Variants in CNTNAP2 observed in about 807,000 individuals in gnomAD.
CNTNAP2 encodes the protein contactin-associated protein-like 2.
A neutral mutation model predicts 155.2 loss-of-function variants in CNTNAP2; 98 were observed. The ratio of observed to expected loss-of-function variants is 0.63; its 90% CI spans 0.54 to 0.75. The LOEUF (loss-of-function observed/expected upper bound fraction) is 0.75. Ranked by LOEUF, CNTNAP2 falls within the 30% of genes least tolerant of loss-of-function variation. The probability of loss-of-function intolerance (pLI) is 0.00; values close to 1 mark genes in which losing one functional copy is unlikely to be tolerated. For missense variants in CNTNAP2, 1,727 were observed against 1,688.1 expected, an observed-to-expected ratio of 1.02 and a Z score of -0.40; for synonymous variants, 651 against 631.2, an observed-to-expected ratio of 1.03 and a Z score of -0.47.
At chr7:146,903,135 T>A (rs1273885954) in intron 3 of CNTNAP2, among the ~76,000 whole-genome samples, 1 of 152,208 alleles carries the variant, frequency 6.6e-6, no homozygotes, top group African/African-American at 2.4e-5. Context: ...AACAGGGTAT[T>A]GTTCAGTTCA....
At chr7:146,682,528 A>G (rs1800522750) in intron 1 of CNTNAP2, among the ~76,000 whole-genome samples, 1 of 152,132 alleles carries the variant, frequency 6.6e-6, no homozygotes, top group African/African-American at 2.4e-5. Context: ...GAGGCAAGTT[A>G]CCTTCATTTC....
chr7:147,336,481 T>A (rs1404534637), intron 9 of CNTNAP2, among the ~76,000 whole-genome samples: 1 of 151,984 alleles, frequency 6.6e-6, no homozygotes, highest in Non-Finnish European at 1.5e-5. Flanking sequence ...ACACTTGGGG[T>A]TTGGTTTAAT....
At chr7:147,776,326 A>G (rs1037231687) in intron 13 of CNTNAP2, among the ~76,000 whole-genome samples, 1 of 149,206 alleles carries the variant, frequency 6.7e-6, no homozygotes, top group Non-Finnish European at 1.5e-5. Context: ...AAGGCCCTGG[A>G]TGACTAAAAT....
chr7:148,379,519 CAT>C (rs1206023608), intron 21 of CNTNAP2, among the ~76,000 whole-genome samples: 1 of 150,708 alleles, frequency 6.6e-6, no homozygotes, highest in African/African-American at 2.4e-5. Flanking sequence ...ACCTGGGTAA[CAT>C]AACAAAACCC....
intron 9 of CNTNAP2, among the ~76,000 whole-genome samples, chr7:147,331,845 C>A (rs1457114623): frequency 2.0e-5 from 3 of 152,168 alleles, no homozygotes; most frequent in Admixed American, 6.6e-5. Flanking sequence ...ATGATCAGTT[C>A]TCAAGACTTT....
intron 15 of CNTNAP2, among the ~76,000 whole-genome samples, chr7:148,026,626 A>AT (rs1210238221): frequency 2.6e-5 from 4 of 152,146 alleles, no homozygotes; most frequent in African/African-American, 9.7e-5. Flanking sequence ...TGAAAAAATT[A>AT]TTTACATTCT....
At chr7:146,995,895 T>A (rs1798299548) in intron 3 of CNTNAP2, among the ~76,000 whole-genome samples, 1 of 152,142 alleles carries the variant, frequency 6.6e-6, no homozygotes, top group Non-Finnish European at 1.5e-5. Context: ...CTTGTCTATT[T>A]TTTTGCATTT....
chr7:146,508,198 G>C (rs1797413444), intron 1 of CNTNAP2, among the ~76,000 whole-genome samples: 2 of 152,150 alleles, frequency 1.3e-5, no homozygotes, highest in African/African-American at 2.4e-5. Context: ...ATGGCCACCT[G>C]GAAAGTGGTA....
At chr7:148,075,619 G>A (rs567339957) in intron 15 of CNTNAP2, among the ~76,000 whole-genome samples, 21 of 152,224 alleles carry the variant, frequency 1.4e-4, no homozygotes, top group Non-Finnish European at 2.4e-4. Context: ...TGGAGCCTCA[G>A]CAACAACAAC....
intron 1 of CNTNAP2, among the ~76,000 whole-genome samples, chr7:146,544,872 G>A (rs1278674130): frequency 6.6e-6 from 1 of 151,886 alleles, no homozygotes; most frequent in Admixed American, 6.6e-5. Context: ...ATCATCACAG[G>A]GTACTCTTGT....
At chr7:147,504,286 G>A (rs1798867819) in intron 11 of CNTNAP2, among the ~76,000 whole-genome samples, 1 of 152,158 alleles carries the variant, frequency 6.6e-6, no homozygotes, top group African/African-American at 2.4e-5. Flanking sequence ...TGAGAAAAGA[G>A]GGGGCCCTCA....
chr7:146,196,650 C>T (rs1290504576), intron 1 of CNTNAP2, among the ~76,000 whole-genome samples: 1 of 151,800 alleles, frequency 6.6e-6, no homozygotes, highest in African/African-American at 2.4e-5. Context: ...ATAGCTGCTT[C>T]TAGAGAAACC....
At chr7:147,179,025 C>G (rs1372051921) in intron 8 of CNTNAP2, among the ~76,000 whole-genome samples, 4 of 152,026 alleles carry the variant, frequency 2.6e-5, no homozygotes, top group African/African-American at 9.7e-5. Context: ...GCACTCATCC[C>G]AACTGCAGTG....
In CNTNAP2 at chr7:146,419,672, C is replaced by A. The variant is rs555819673; in HGVS notation, c.97+302699C>A. On this transcript the variant is annotated intron_variant, in intron 1 of 23. Transcript: ENST00000361727. ...GGCAAAGATATGAAAAGGTGCTTAA[C>A]AACATTCTTCATCAGAAAAATGCAA... 3.3e-5 allele frequency among the ~76,000 whole-genome samples: 5 copies of A among 152,182 alleles called. No homozygotes were observed. In the East Asian group the frequency reaches 7.7e-4, roughly 23 times the overall value.
intron 1 of CNTNAP2, among the ~76,000 whole-genome samples, chr7:146,699,189 G>A (rs1409919679): frequency 6.6e-6 from 1 of 152,040 alleles, no homozygotes; most frequent in African/African-American, 2.4e-5. Flanking sequence ...AAAATATGAT[G>A]CATGAGGGAA....
Position 146,752,411 on chromosome 7 carries a change from G to A in CNTNAP2, c.98-21860G>A, listed in dbSNP as rs189235581. Reference sequence around the variant, plus strand: ...GCTTTTTTTCCTATGTTTCTTGGCCGCATAAATGTCTTATTTTGAGAAGTC... The same window carrying A: ...GCTTTTTTTCCTATGTTTCTTGGCCACATAAATGTCTTATTTTGAGAAGTC... On this transcript the variant is annotated intron_variant, in intron 1 of 23. Coordinates refer to ENST00000361727, the MANE Select transcript of CNTNAP2 (RefSeq NM_014141.6). Among the ~76,000 whole-genome samples the A allele has an allele frequency of 3.3e-3, 502 of 152,136 alleles. 2 individuals are homozygous for A. Among genetic ancestry groups the A allele is most frequent in the African/African-American group, 0.011 (447 of 41,484 alleles).
At chr7:146,135,944 T>G (rs529376527) in intron 1 of CNTNAP2, among the ~76,000 whole-genome samples, 2 of 152,252 alleles carry the variant, frequency 1.3e-5, no homozygotes, top group Non-Finnish European at 2.9e-5. Flanking sequence ...TCCTCTTGTT[T>G]GATAGTCTGT....
chr7:147,747,381 C>T (rs187837891), intron 13 of CNTNAP2, among the ~76,000 whole-genome samples: 1 of 152,284 alleles, frequency 6.6e-6, no homozygotes, highest in Admixed American at 6.5e-5. Flanking sequence ...GTTGATTGAA[C>T]TCTACTCCAT....
chr7:146,874,261 T>C (rs1031376973), intron 3 of CNTNAP2, among the ~76,000 whole-genome samples: 2 of 152,152 alleles, frequency 1.3e-5, no homozygotes, highest in Admixed American at 6.6e-5. Flanking sequence ...ATGGTATAAT[T>C]AGTAGTTAAA....
Sources: allele counts gnomAD v4.1 joint callset (sites outside exome capture counted in the v4.1 genomes callset), GRCh38; gene constraint gnomAD v4.1.1; transcripts MANE v1.5; gene names NCBI Gene and HGNC (gene_info 2026-07-23, HGNC 2026-07-21).